SPOCK1: variants seen among roughly 807,000 people sequenced by gnomAD.
SPOCK1 encodes testican-1.
A neutral mutation model predicts 55.3 loss-of-function variants in SPOCK1; 23 were observed. The observed-to-expected ratio is 0.42, with a 90% CI of 0.30 to 0.59. The LOEUF is 0.59. SPOCK1 is among the 20% of genes least tolerant of loss of function. SPOCK1 has a pLI of 0.22. For synonymous variants in SPOCK1, 226 were observed against 221.0 expected, an observed-to-expected ratio of 1.02 and a Z score of -0.20; for missense variants, 499 against 552.5, an observed-to-expected ratio of 0.90 and a Z score of 0.97.
intron 3 of SPOCK1, among the ~76,000 whole-genome samples, chr5:137,172,707 A>G (rs1754776999): frequency 6.6e-6 from 1 of 151,690 alleles, no homozygotes; most frequent in African/African-American, 2.4e-5. Context: ...TGTCTAATAC[A>G]CTCCTTACCC....
intron 5 of SPOCK1, among the ~76,000 whole-genome samples, chr5:137,085,920 G>T (rs973823042): frequency 6.6e-6 from 1 of 152,166 alleles, no homozygotes; most frequent in Non-Finnish European, 1.5e-5. Context: ...CATGGGCTCT[G>T]CAGTGACAGA....
chr5:137,202,900 T>G (rs1755451539), intron 3 of SPOCK1, among the ~76,000 whole-genome samples: 1 of 152,240 alleles, frequency 6.6e-6, no homozygotes, highest in Non-Finnish European at 1.5e-5. Context: ...CTGATCTGAA[T>G]ATGTTACTTT....
chr5:137,034,289 G>A (rs776211389), intron 6 of SPOCK1, among the ~76,000 whole-genome samples: 11 of 152,166 alleles, frequency 7.2e-5, no homozygotes, highest in Non-Finnish European at 1.2e-4. Flanking sequence ...GTACAGTGCC[G>A]AGGGGAAATC....
At chr5:137,320,500 T>C (rs1561503609) in intron 2 of SPOCK1, among the ~76,000 whole-genome samples, 1 of 152,276 alleles carries the variant, frequency 6.6e-6, no homozygotes, top group African/African-American at 2.4e-5. Context: ...GAGTGGTTTC[T>C]GTTTTGCCTG....
At chr5:137,269,982 T>G (rs1756929801) in intron 2 of SPOCK1, among the ~76,000 whole-genome samples, 1 of 152,218 alleles carries the variant, frequency 6.6e-6, no homozygotes, top group African/African-American at 2.4e-5. Flanking sequence ...TGTCCTGAAA[T>G]GAACAGACCC....
At position 137,273,996 on chromosome 5, in the gene SPOCK1, A is replaced by G. The variant is rs796807450; in HGVS notation, c.187-6941T>C. On this transcript the variant is annotated intron_variant, in intron 2 of 10. Coordinates refer to ENST00000394945, the MANE Select transcript of SPOCK1 (RefSeq NM_004598.4). Reference sequence around the variant, plus strand: ...CACAAAGAGCTCCCTCTTCTTAGGGACTTTCTGTCTGTCCTGGTCAGTCCA... The same window carrying G: ...CACAAAGAGCTCCCTCTTCTTAGGGGCTTTCTGTCTGTCCTGGTCAGTCCA... 1.0e-3 allele frequency among the ~76,000 whole-genome samples: 154 copies of G among 152,278 alleles called. 2 individuals are homozygous for G. Among genetic ancestry groups the G allele is most frequent in the African/African-American group, 3.7e-3 (152 of 41,566 alleles).
At chr5:137,471,800 C>T (rs1753742860) in intron 2 of SPOCK1, among the ~76,000 whole-genome samples, 3 of 152,130 alleles carry the variant, frequency 2.0e-5, no homozygotes, top group Admixed American at 2.0e-4. Flanking sequence ...AGGAGGAACC[C>T]CATCACTCCC....
intron 2 of SPOCK1, among the ~76,000 whole-genome samples, chr5:137,317,863 G>A (rs542447836): frequency 7.2e-5 from 11 of 152,202 alleles, no homozygotes; most frequent in African/African-American, 2.6e-4. Context: ...TCCAAGATCC[G>A]CATAGCTATC....
At chr5:136,984,950 C>G (rs922838850) in intron 9 of SPOCK1, among the ~76,000 whole-genome samples, 190 bp downstream of exon 9, 10 of 152,230 alleles carry the variant, frequency 6.6e-5, no homozygotes, top group African/African-American at 2.2e-4. Context: ...AAGGAACACA[C>G]AGCAGTTTTC....
At chr5:137,270,962 A>G (rs1351831927) in intron 2 of SPOCK1, among the ~76,000 whole-genome samples, 1 of 152,106 alleles carries the variant, frequency 6.6e-6, no homozygotes, top group Non-Finnish European at 1.5e-5. Context: ...AGATCGCACC[A>G]TTGCACTCCA....
chr5:137,337,406 T>G (rs1750304756), intron 2 of SPOCK1, among the ~76,000 whole-genome samples: 1 of 152,212 alleles, frequency 6.6e-6, no homozygotes, highest in Admixed American at 6.5e-5. Context: ...ATACTTCCTA[T>G]GCGGCCTTCT....
chr5:137,191,947 C>G (rs538642846), intron 3 of SPOCK1, among the ~76,000 whole-genome samples: 1 of 152,006 alleles, frequency 6.6e-6, no homozygotes, highest in South Asian at 2.1e-4. Context: ...AGCGGCCAGG[C>G]GCAGTGGCCG....
At chr5:137,381,505 C>A (rs957863906) in intron 2 of SPOCK1, among the ~76,000 whole-genome samples, 5 of 152,240 alleles carry the variant, frequency 3.3e-5, no homozygotes, top group Admixed American at 6.5e-5. Context: ...CAAGTCCATA[C>A]ATCCTCTGAA....
At chr5:137,051,831 A>T (rs10042879) in intron 6 of SPOCK1, among the ~76,000 whole-genome samples, 3,395 of 152,282 alleles carry the variant, frequency 0.022, 114 homozygotes, top group African/African-American at 0.077. Context: ...GAAGTAAGAA[A>T]TCAAAATGTG....
At chr5:137,334,803 A>G (rs545423073) in intron 2 of SPOCK1, among the ~76,000 whole-genome samples, 5 of 152,298 alleles carry the variant, frequency 3.3e-5, no homozygotes, top group African/African-American at 1.2e-4. Context: ...TTTCTCTGAC[A>G]GGAGAGATGC....
chr5:137,456,297 A>G (rs879483102), intron 2 of SPOCK1, among the ~76,000 whole-genome samples: 1 of 152,160 alleles, frequency 6.6e-6, no homozygotes, highest in Non-Finnish European at 1.5e-5. Context: ...AGGAGGAGAA[A>G]CAGGATTCTG....
intron 6 of SPOCK1, among the ~76,000 whole-genome samples, chr5:137,060,055 T>A (rs182187876): frequency 6.6e-6 from 1 of 152,280 alleles, no homozygotes; most frequent in African/African-American, 2.4e-5. Flanking sequence ...TCTCAAAGGA[T>A]TTAAAAGAGA....
At chr5:137,345,290 C>A (rs775495482) in intron 2 of SPOCK1, among the ~76,000 whole-genome samples, 3 of 152,200 alleles carry the variant, frequency 2.0e-5, no homozygotes, top group Non-Finnish European at 4.4e-5. Flanking sequence ...TGAGACCTTG[C>A]AATGCTGTGC....
intron 2 of SPOCK1, among the ~76,000 whole-genome samples, chr5:137,316,110 G>A (rs1465500006): frequency 6.6e-6 from 1 of 152,198 alleles, no homozygotes; most frequent in Non-Finnish European, 1.5e-5. Context: ...AGATTGAAGT[G>A]ATAGCATCTG....
Sources: gnomAD v4.1 joint callset for allele counts (sites outside exome capture counted in the v4.1 genomes callset) on GRCh38, gnomAD v4.1.1 for gene constraint, MANE v1.5 for transcripts, NCBI Gene and HGNC (gene_info 2026-07-23, HGNC 2026-07-21) for gene names.